CDC25C: variants seen among roughly 807,000 people sequenced by gnomAD.
CDC25C encodes cell division cycle 25C.
CDC25C carries 48 observed loss-of-function variants against 52.5 expected under a neutral mutation model. The observed-to-expected ratio is 0.91, with a 90% CI of 0.72 to 1.16. CDC25C has a LOEUF of 1.16. Ranked by LOEUF, CDC25C falls within the 50% of genes most tolerant of loss-of-function variation. The pLI, the probability that CDC25C is intolerant of heterozygous loss-of-function variation, is 0.00. For missense variants in CDC25C, 510 were observed against 566.1 expected (o/e 0.90, Z 1.01); for synonymous variants, 187 against 206.5 (o/e 0.91, Z 0.81).
rs1023721382 is a variant in CDC25C, at chr5:138,314,260, G to C, written c.615+4959C>G. On this transcript the variant is annotated intron_variant, in intron 7 of 13. Coordinates refer to ENST00000323760, the MANE Select transcript of CDC25C (RefSeq NM_001790.5). ...GATCCACCTGCCTTGGCCTCTCAAA[G>C]TGCTGTCCTTTATTCAAATCGTCCT... 2.0e-5 allele frequency among the ~76,000 whole-genome samples: 3 copies of C among 150,520 alleles called. No individual in the cohort carries two copies. The South Asian group carries it at 6.3e-4, about 32-fold the overall frequency.
intron 6 of CDC25C, among the ~76,000 whole-genome samples, chr5:138,325,230 G>A (rs904104541): frequency 5.3e-5 from 8 of 152,190 alleles, no homozygotes; most frequent in African/African-American, 1.4e-4. Context: ...GGAAAGGGAT[G>A]GGAGGCAGGG....
At chr5:138,289,354 G>C in intron 10 of CDC25C, 147 bp downstream of exon 10, 1 of 593,456 alleles carries the variant, frequency 1.7e-6, no homozygotes, top group South Asian at 2.3e-5. Flanking sequence ...GGAAAAAAAT[G>C]AGTCCTTCAA....
Position 138,298,031 on chromosome 5 carries a change from C to CT in CDC25C, c.616-5916dup, listed in dbSNP as rs943092505. On this transcript the variant is annotated intron_variant, in intron 7 of 13. Coordinates refer to ENST00000323760, the MANE Select transcript of CDC25C (RefSeq NM_001790.5). ...TTTTTTTTCTTGAGACAGGGTCTCA[C>CT]TCTCTCATCCAGGCTGGAGTGCAGT... Among the ~76,000 whole-genome samples, 106 of 151,506 alleles carry CT rather than the reference C, an allele frequency of 7.0e-4. 2 individuals are homozygous for CT. Among genetic ancestry groups the CT allele is most frequent in the Non-Finnish European group, 3.1e-4 (21 of 67,898 alleles).
At chr5:138,314,001 T>TCTTTC (rs1580774448) in intron 7 of CDC25C, among the ~76,000 whole-genome samples, 2 of 144,856 alleles carry the variant, frequency 1.4e-5, no homozygotes, top group Admixed American at 6.9e-5. Flanking sequence ...CTTTCTTTTT[T>TCTTTC]TTTTTTTTTT....
chr5:138,329,423 C>A lies in CDC25C; in HGVS notation c.289+130G>T. 4 of 620,304 alleles carry A rather than the reference C, an allele frequency of 6.4e-6. 1 individual carries two copies. In the South Asian group the frequency reaches 8.6e-5, roughly 13 times the overall value. The allele number at this position is 620,304 out of a possible 1,614,324, so 38.4% of individuals were successfully genotyped here. A position where few individuals can be genotyped will look rare whatever the true frequency, so the allele number is the denominator to read the frequency against. On this transcript the variant is annotated intron_variant, in intron 3 of 13. Transcript: ENST00000323760. ...ATCATTCTCAAAAATCCTCTAGTTACCCACAAAATTCCATCTCTCTAGGCA... is the reference window on the plus strand; with the variant it reads ...ATCATTCTCAAAAATCCTCTAGTTAACCACAAAATTCCATCTCTCTAGGCA...
intron 7 of CDC25C, among the ~76,000 whole-genome samples, chr5:138,313,117 T>C (rs1758577894): frequency 1.3e-5 from 2 of 152,032 alleles, no homozygotes; most frequent in South Asian, 4.2e-4. Flanking sequence ...GTGGCTCACC[T>C]GTAATCTCAG....
chr5:138,312,390 A>G (rs1758521266), intron 7 of CDC25C, among the ~76,000 whole-genome samples: 1 of 152,234 alleles, frequency 6.6e-6, no homozygotes. Flanking sequence ...AAGAACTGAA[A>G]GCAAGGACAC....
chr5:138,338,226 C>T (rs984276687), exon 1 of CDC25C: 85 of 1,260,306 alleles, frequency 6.7e-5, no homozygotes, highest in Non-Finnish European at 8.4e-5. Flanking sequence ...TGGTTCGCGC[C>T]AGCGCCTTTT....
Position 138,286,550 on chromosome 5 carries a change from C to T in CDC25C, c.1107G>A (p.Lys369=), listed in dbSNP as rs755330774. ...KKPIVPLDTQ[K]RIIIVFHCEF... ...CACAGTGGAACACGATGATTATTCT[C>T]TTCTGGGTGTCCAAAGGGACGATGG... The change falls in exon 12 of 14, where the codon AAG becomes AAA. Residue 369 remains lysine (K), a synonymous_variant. Coordinates refer to ENST00000323760, the MANE Select transcript of CDC25C (RefSeq NM_001790.5). The T allele has an allele frequency of 1.2e-6, 2 of 1,613,944 alleles. No homozygotes were observed. Among genetic ancestry groups the T allele is most frequent in the African/African-American group, 1.3e-5 (1 of 74,938 alleles).
rs546806306 is a variant in CDC25C at position 138,309,715 on chromosome 5, A to T, written c.615+9504T>A. 1.0e-3 allele frequency among the ~76,000 whole-genome samples: 136 copies of T among 132,856 alleles called. No homozygotes were observed. In the East Asian group the frequency reaches 0.02, roughly 19 times the overall value. The allele number at this position is 132,856 out of a possible 152,430, so 87.2% of individuals were successfully genotyped here. A position where few individuals can be genotyped will look rare whatever the true frequency, so the allele number is the denominator to read the frequency against. On this transcript the variant is annotated intron_variant, in intron 7 of 13. Coordinates refer to ENST00000323760, the MANE Select transcript of CDC25C (RefSeq NM_001790.5). The stretch of plus-strand genomic sequence containing the variant: ...ACTAAAACCTCCCCTGGCTCTCAAA[A>T]TTTTTTTTTTTTTTTTTTGAGATGG...
At chr5:138,309,095 A>G (rs1022844277) in intron 7 of CDC25C, among the ~76,000 whole-genome samples, 3 of 152,164 alleles carry the variant, frequency 2.0e-5, no homozygotes, top group Non-Finnish European at 1.5e-5. Context: ...ACTGTCTTCA[A>G]TACTAAAACC....
At chr5:138,288,294 C>G (rs993141390) in intron 10 of CDC25C, among the ~76,000 whole-genome samples, 4 of 152,116 alleles carry the variant, frequency 2.6e-5, no homozygotes, top group Admixed American at 1.3e-4. Flanking sequence ...AGACTCGTCT[C>G]GAACTCCCAA....
intron 7 of CDC25C, among the ~76,000 whole-genome samples, chr5:138,305,978 T>C (rs1438526354): frequency 1.3e-5 from 2 of 152,212 alleles, no homozygotes; most frequent in Non-Finnish European, 2.9e-5. Flanking sequence ...CAAATATCCA[T>C]GAGCAGCACA....
intron 7 of CDC25C, among the ~76,000 whole-genome samples, chr5:138,314,925 CTTTT>C (rs35443317): frequency 3.3e-5 from 3 of 90,824 alleles, no homozygotes; most frequent in Non-Finnish European, 2.2e-5. Flanking sequence ...CCAGCCAGCA[CTTTT>C]TTTTTTTTTT....
At chr5:138,311,106 T>C (rs1182588388) in intron 7 of CDC25C, among the ~76,000 whole-genome samples, 1 of 152,146 alleles carries the variant, frequency 6.6e-6, no homozygotes, top group Non-Finnish European at 1.5e-5. Context: ...CAACAATTAG[T>C]GGTGGGACAA....
chr5:138,290,105 A>G (rs897971105), intron 9 of CDC25C, among the ~76,000 whole-genome samples: 1 of 152,174 alleles, frequency 6.6e-6, no homozygotes, highest in African/African-American at 2.4e-5. Context: ...GCTTATTAAT[A>G]TGAAAAAAGA....
intron 6 of CDC25C, among the ~76,000 whole-genome samples, chr5:138,323,354 T>G (rs920385747): frequency 2.6e-5 from 4 of 152,134 alleles, no homozygotes; most frequent in African/African-American, 9.7e-5. Context: ...GCTCAAGCAA[T>G]CCTCCCAATT....
At chr5:138,329,679 C>G (rs1472860765) in intron 2 of CDC25C, 32 bp from the exon 3 acceptor site, 2 of 1,173,410 alleles carry the variant, frequency 1.7e-6, no homozygotes, top group African/African-American at 3.1e-5. Context: ...TCGAAATTCC[C>G]ATTAGATTAT....
intron 10 of CDC25C, among the ~76,000 whole-genome samples, chr5:138,288,422 C>T (rs191384237): frequency 7.9e-5 from 12 of 151,614 alleles, no homozygotes; most frequent in Non-Finnish European, 1.5e-4. Context: ...TGGGGCTGGG[C>T]GCAGTGGCTC....
Sources: gnomAD v4.1 joint callset for allele counts (sites outside exome capture counted in the v4.1 genomes callset) on GRCh38, gnomAD v4.1.1 for gene constraint, MANE v1.5 for transcripts, NCBI Gene and HGNC (gene_info 2026-07-23, HGNC 2026-07-21) for gene names.